The following PRKN variants were observed in gnomAD, a reference collection of about 807,000 sequenced individuals.
PRKN encodes E3 ubiquitin-protein ligase parkin.
A neutral mutation model predicts 59.5 loss-of-function variants in PRKN; 56 were observed. The observed-to-expected ratio is 0.94, with a 90% confidence interval of 0.76 to 1.18. The LOEUF (loss-of-function observed/expected upper bound fraction) is 1.18, where lower values mean the gene tolerates loss of function less well. Ranked by LOEUF, PRKN falls within the 50% of genes most tolerant of loss-of-function variation. The pLI is 0.00. For missense variants in PRKN, 657 were observed against 596.4 expected (o/e 1.10, Z -1.06); for synonymous variants, 250 against 222.1 (o/e 1.13, Z -1.12).
chr6:161,824,554 G>A (rs897021752), intron 6 of PRKN, among the ~76,000 whole-genome samples: 1 of 152,154 alleles, frequency 6.6e-6, no homozygotes, highest in African/African-American at 2.4e-5. Flanking sequence ...ACTAGATCAT[G>A]TCTTACTGTA....
At chr6:161,965,036 ATC>A (rs1263007518) in intron 6 of PRKN, among the ~76,000 whole-genome samples, 1 of 152,036 alleles carries the variant, frequency 6.6e-6, no homozygotes, top group African/African-American at 2.4e-5. Flanking sequence ...TCCATTCCCT[ATC>A]TCTCTTTGTT....
rs1337411067 is a variant in PRKN at position 161,446,581 on chromosome 6, T to C, written c.1084-59704A>G. Reference sequence around the variant, plus strand: ...GAATTCATACCTGTTCCTGGAGCAATCTATTTTTAACCTTGTTAACCTGAA... The same window carrying C: ...GAATTCATACCTGTTCCTGGAGCAACCTATTTTTAACCTTGTTAACCTGAA... On this transcript the variant is annotated intron_variant, in intron 9 of 11. Coordinates refer to ENST00000366898, the MANE Select transcript of PRKN (RefSeq NM_004562.3). The surrounding 1 kb of genome is among the most constrained non-coding windows in gnomAD (Gnocchi z 6.2). 6.6e-5 allele frequency among the ~76,000 whole-genome samples: 10 copies of C among 152,176 alleles called. No homozygotes were observed. Among genetic ancestry groups the C allele is most frequent in the African/African-American group, 2.2e-4 (9 of 41,452 alleles).
chr6:162,098,513 G>A (rs987359792), intron 4 of PRKN, among the ~76,000 whole-genome samples: 2 of 152,228 alleles, frequency 1.3e-5, no homozygotes, highest in South Asian at 4.2e-4. Context: ...TGCTACTTAG[G>A]ACTCCCAGAA....
At chr6:161,894,853 A>G (rs1163713199) in intron 6 of PRKN, among the ~76,000 whole-genome samples, 1 of 152,184 alleles carries the variant, frequency 6.6e-6, no homozygotes, top group African/African-American at 2.4e-5. Flanking sequence ...ATCATTTATA[A>G]CTGTATTTAT....
chr6:162,334,747 G>A (rs1157529358), intron 2 of PRKN, among the ~76,000 whole-genome samples: 2 of 152,134 alleles, frequency 1.3e-5, no homozygotes, highest in African/African-American at 4.8e-5. Flanking sequence ...GCTTGGCAAA[G>A]ATCTTTGAAA....
intron 3 of PRKN, among the ~76,000 whole-genome samples, chr6:162,253,051 A>G (rs1000489977): frequency 4.6e-5 from 7 of 152,196 alleles, no homozygotes; most frequent in Non-Finnish European, 1.0e-4. Flanking sequence ...TGCGTGTGCT[A>G]TTCTGGTGGC....
At chr6:162,568,583 GAAGGA>G in intron 1 of PRKN, 1 of 851,634 alleles carries the variant, frequency 1.2e-6, no homozygotes, top group South Asian at 1.3e-5. Flanking sequence ...AGGAGAAGGA[GAAGGA>G]GCAGATCAGG....
intron 1 of PRKN, among the ~76,000 whole-genome samples, chr6:162,690,302 C>T (rs893413032): frequency 2.0e-5 from 3 of 152,162 alleles, no homozygotes; most frequent in African/African-American, 7.2e-5. Flanking sequence ...AGAAACCAAG[C>T]AGGCACAGAA....
chr6:161,671,314 C>T (rs1784901110), intron 7 of PRKN, among the ~76,000 whole-genome samples: 1 of 152,144 alleles, frequency 6.6e-6, no homozygotes, highest in Non-Finnish European at 1.5e-5. Context: ...GTCCCAGGAA[C>T]CTCATGTCAT....
chr6:161,507,514 C>T (rs73782918), intron 9 of PRKN, among the ~76,000 whole-genome samples: 14,033 of 152,176 alleles, frequency 0.092, 754 homozygotes, highest in African/African-American at 0.15. Context: ...TCTACAATCT[C>T]TTTTGCTAAC....
At chr6:162,652,871 T>C (rs1327786809) in intron 1 of PRKN, among the ~76,000 whole-genome samples, 1 of 152,198 alleles carries the variant, frequency 6.6e-6, no homozygotes, top group African/African-American at 2.4e-5. Context: ...TCCTTCTAAA[T>C]GACTAAAAGC....
In PRKN at chr6:162,424,937, G is replaced by T. The variant is rs114903369; in HGVS notation, c.171+18373C>A. Among the ~76,000 whole-genome samples the T allele has an allele frequency of 5.3e-3, 803 of 152,018 alleles. 4 individuals carry two copies. The highest frequency in any genetic ancestry group is 0.019 in the African/African-American group (778 of 41,482). ...TAAAAATCAAATTGCTGCTTTCAAG[G>T]TTCATGGTTCACAGCCACATAGGAG... is the stretch of plus-strand genomic sequence containing the variant. On this transcript the variant is annotated intron_variant, in intron 2 of 11. Transcript: ENST00000366898.
chr6:161,975,427 C>T (rs1316319365), intron 5 of PRKN, among the ~76,000 whole-genome samples: 3 of 152,110 alleles, frequency 2.0e-5, no homozygotes, highest in Admixed American at 1.3e-4. Flanking sequence ...TTAATCAACG[C>T]TATTTAATCA....
chr6:161,649,138 G>GA (rs1784062802), intron 7 of PRKN, among the ~76,000 whole-genome samples: 2 of 152,180 alleles, frequency 1.3e-5, no homozygotes, highest in South Asian at 2.1e-4. Flanking sequence ...AGAAAGTGTT[G>GA]AAAAGACAGT....
intron 2 of PRKN, among the ~76,000 whole-genome samples, chr6:162,349,557 T>C (rs1371229456): frequency 6.6e-6 from 1 of 152,168 alleles, no homozygotes; most frequent in Non-Finnish European, 1.5e-5. Flanking sequence ...GATAAAATAT[T>C]ACATTCCTCA....
intron 7 of PRKN, among the ~76,000 whole-genome samples, chr6:161,658,048 A>AAGAAG (rs1478132049): frequency 1.5e-4 from 22 of 151,316 alleles, no homozygotes; most frequent in Non-Finnish European, 2.1e-4. Context: ...AAGAAAAGAA[A>AAGAAG]AAAACGGTGT....
chr6:161,873,941 A>T (rs1445802679), intron 6 of PRKN, among the ~76,000 whole-genome samples: 1 of 123,466 alleles, frequency 8.1e-6, no homozygotes, highest in Non-Finnish European at 1.6e-5. Context: ...TAATATATAT[A>T]AAAGAAATAT....
At chr6:162,232,655 A>AT (rs558759104) in intron 3 of PRKN, among the ~76,000 whole-genome samples, 94 of 152,022 alleles carry the variant, frequency 6.2e-4, no homozygotes, top group East Asian at 2.9e-3. Flanking sequence ...GCTTTGTGTG[A>AT]TTTTTTCTTC....
chr6:162,703,913 C>A (rs1229421009), intron 1 of PRKN, among the ~76,000 whole-genome samples: 1 of 152,114 alleles, frequency 6.6e-6, no homozygotes, highest in African/African-American at 2.4e-5. Flanking sequence ...TAGTACTTTC[C>A]CAGGTGCTGA....
Sources: allele counts gnomAD v4.1 joint callset (sites outside exome capture counted in the v4.1 genomes callset), GRCh38; gene constraint gnomAD v4.1.1; non-coding constraint Gnocchi (gnomAD v3.1); transcripts MANE v1.5; gene names NCBI Gene and HGNC (gene_info 2026-07-23, HGNC 2026-07-21).